PARD3: variants seen among roughly 807,000 people sequenced by gnomAD.
The protein encoded by PARD3 is partitioning defective 3 homolog.
PARD3 carries 75 observed loss-of-function variants against 155.4 expected under a neutral mutation model. The observed-to-expected ratio is 0.48, with a 90% CI of 0.40 to 0.58. The LOEUF (loss-of-function observed/expected upper bound fraction) is 0.58. Ranked by LOEUF, PARD3 falls within the 20% of genes least tolerant of loss-of-function variation. The pLI is 0.00. For missense variants in PARD3, 1,642 were observed against 1,721.7 expected (o/e 0.95, Z 0.82); for synonymous variants, 576 against 610.5 (o/e 0.94, Z 0.83).
intron 22 of PARD3, among the ~76,000 whole-genome samples, chr10:34,223,163 C>T (rs1367805714): frequency 6.6e-6 from 1 of 152,078 alleles, no homozygotes; most frequent in Non-Finnish European, 1.5e-5. Context: ...CCACACTGTC[C>T]CATCACCTCA....
intron 22 of PARD3, among the ~76,000 whole-genome samples, chr10:34,239,817 A>T (rs996424089): frequency 1.3e-5 from 2 of 151,954 alleles, no homozygotes; most frequent in Non-Finnish European, 2.9e-5. Context: ...AAAAAAAAAA[A>T]ATTGGTGTTT....
In PARD3 at chr10:34,517,075, T is replaced by C. The variant is rs369317752; in HGVS notation, c.307A>G (p.Ile103Val). Reference sequence around the variant, plus strand: ...TTGGTGCCAAGCTCACTACCAAATATCTCTGGGCTCTGGGTACCCGTGGAA... The same window carrying C: ...TTGGTGCCAAGCTCACTACCAAATACCTCTGGGCTCTGGGTACCCGTGGAA... ...ASSTGTQSPE[I>V]FGSELGTNNV... The change falls in exon 3 of 25, where the codon ATA becomes GTA. Residue 103 changes from isoleucine (I) to valine (V), a missense_variant. Physicochemically the swap from Ile to Val is conservative, Grantham distance 29. Coordinates refer to ENST00000374788, the MANE Select transcript of PARD3 (RefSeq NM_001184785.2). 6.2e-7 allele frequency: 1 copy of C among 1,614,164 alleles called. No individual in the cohort carries two copies. Among genetic ancestry groups the C allele is most frequent in the Non-Finnish European group, 8.5e-7 (1 of 1,180,018 alleles).
Position 34,673,033 on chromosome 10 carries a change from TAGGGCTTCAGTGA to T in PARD3, c.222+23272_222+23284del, listed in dbSNP as rs1418252495. Reference sequence around the variant, plus strand: ...ATGTACTTCATTTCTCTTGAACATCTAGGGCTTCAGTGATCTAAACGATTCTATTCTTAAATCC... The same window carrying T: ...ATGTACTTCATTTCTCTTGAACATCTTCTAAACGATTCTATTCTTAAATCC... On this transcript the variant is annotated intron_variant, in intron 2 of 24. Transcript: ENST00000374788. Among the ~76,000 whole-genome samples, 27 of 152,346 alleles carry T rather than the reference TAGGGCTTCAGTGA, an allele frequency of 1.8e-4. 1 individual carries two copies. The highest frequency in any genetic ancestry group is 5.8e-4 in the African/African-American group (24 of 41,588).
At chr10:34,247,874 A>G (rs1038414923) in intron 22 of PARD3, among the ~76,000 whole-genome samples, 1 of 152,212 alleles carries the variant, frequency 6.6e-6, no homozygotes, top group Non-Finnish European at 1.5e-5. Context: ...AAAATGTTAC[A>G]ATTAAGTACT....
chr10:34,490,442 A>G (rs1400642876), intron 3 of PARD3, among the ~76,000 whole-genome samples: 1 of 151,776 alleles, frequency 6.6e-6, no homozygotes, highest in East Asian at 1.9e-4. Context: ...ACAAAACAAA[A>G]TGCTCGTGCT....
intron 22 of PARD3, among the ~76,000 whole-genome samples, chr10:34,250,008 G>A (rs1954199392): frequency 6.6e-6 from 1 of 152,148 alleles, no homozygotes; most frequent in African/African-American, 2.4e-5. Context: ...CTTTCCAATT[G>A]ATGGCATACT....
chr10:34,645,319 C>T (rs1264648521), intron 2 of PARD3, among the ~76,000 whole-genome samples: 8 of 152,038 alleles, frequency 5.3e-5, no homozygotes, highest in Non-Finnish European at 1.2e-4. Context: ...GATTCTCATG[C>T]CTCAGCCTCC....
intron 2 of PARD3, among the ~76,000 whole-genome samples, chr10:34,642,068 C>G (rs2092695407): frequency 6.6e-6 from 1 of 152,044 alleles, no homozygotes; most frequent in African/African-American, 2.4e-5. Context: ...CGGGCAGTAT[C>G]CACTCACCTG....
intron 1 of PARD3, among the ~76,000 whole-genome samples, chr10:34,805,719 G>A (rs189481173): frequency 2.6e-5 from 4 of 152,118 alleles, no homozygotes; most frequent in African/African-American, 9.6e-5. Flanking sequence ...GCTCACGCCT[G>A]TAATCCCAGC....
chr10:34,180,550 T>C (rs1950224404), intron 22 of PARD3, among the ~76,000 whole-genome samples: 1 of 152,188 alleles, frequency 6.6e-6, no homozygotes, highest in African/African-American at 2.4e-5. Context: ...AACATAAAAA[T>C]GATTTAACAC....
intron 7 of PARD3, among the ~76,000 whole-genome samples, chr10:34,388,684 G>A (rs1351529451): frequency 3.3e-5 from 5 of 152,280 alleles, no homozygotes; most frequent in Middle Eastern, 3.4e-3. Context: ...ATTTTGGCAC[G>A]TCAGTGTGCT....
At chr10:34,317,028 T>C in intron 20 of PARD3, 79 bp downstream of exon 20, 1 of 1,339,222 alleles carries the variant, frequency 7.5e-7, no homozygotes, top group South Asian at 1.6e-5. Context: ...CACTACCGTG[T>C]CCAGTTTTTA....
intron 10 of PARD3, among the ~76,000 whole-genome samples, chr10:34,376,136 T>C (rs1841209925): frequency 6.6e-6 from 1 of 152,106 alleles, no homozygotes; most frequent in African/African-American, 2.4e-5. Flanking sequence ...TCAGAGAAAA[T>C]GCACGTAAGT....
At chr10:34,233,659 T>C (rs1207095005) in intron 22 of PARD3, among the ~76,000 whole-genome samples, 2 of 152,122 alleles carry the variant, frequency 1.3e-5, no homozygotes, top group East Asian at 3.9e-4. Context: ...CAAGTCAGAA[T>C]CTTGCCAGTC....
At chr10:34,182,634 A>G (rs1473403719) in intron 22 of PARD3, among the ~76,000 whole-genome samples, 1 of 152,138 alleles carries the variant, frequency 6.6e-6, no homozygotes, top group South Asian at 2.1e-4. Flanking sequence ...TTCCATTGTG[A>G]TATCAGCCAA....
intron 20 of PARD3, among the ~76,000 whole-genome samples, chr10:34,297,182 C>T (rs915388371): frequency 8.6e-5 from 13 of 151,922 alleles, no homozygotes; most frequent in Non-Finnish European, 1.2e-4. Context: ...GCACGCCTGT[C>T]GTCCTAGCTA....
intron 2 of PARD3, among the ~76,000 whole-genome samples, chr10:34,597,024 C>G (rs2134429737): frequency 6.6e-6 from 1 of 152,208 alleles, no homozygotes; most frequent in African/African-American, 2.4e-5. Context: ...ACACTGAAAA[C>G]TACAGAAGGT....
At chr10:34,676,585 CATT>C (rs998962222) in intron 2 of PARD3, among the ~76,000 whole-genome samples, 2 of 152,178 alleles carry the variant, frequency 1.3e-5, no homozygotes, top group African/African-American at 2.4e-5. Flanking sequence ...AGAACATCAT[CATT>C]ATCATCACTA....
chr10:34,608,349 GA>G (rs1564410727), intron 2 of PARD3, among the ~76,000 whole-genome samples: 1 of 152,064 alleles, frequency 6.6e-6, no homozygotes, highest in Non-Finnish European at 1.5e-5. Context: ...CAAACGTTGG[GA>G]AAGATGGAAA....
Sources: gnomAD v4.1 joint callset for allele counts (sites outside exome capture counted in the v4.1 genomes callset) on GRCh38, gnomAD v4.1.1 for gene constraint, MANE v1.5 for transcripts, NCBI Gene and HGNC (gene_info 2026-07-23, HGNC 2026-07-21) for gene names.